ZNF678: variants seen among roughly 807,000 people sequenced by gnomAD.
The protein encoded by ZNF678 is hypothetical protein MGC42493.
ZNF678 carries 5 observed loss-of-function variants against 3.0 expected under a neutral mutation model. The observed-to-expected ratio is 1.69, with a 90% confidence interval of 0.88 to 3.56. The LOEUF is 3.56. Among genes scored for constraint, ZNF678 ranks in the 30% most tolerant of loss-of-function variants. The pLI, the probability that ZNF678 is intolerant of heterozygous loss-of-function variation, is 0.00. For missense variants in ZNF678, 593 were observed against 605.0 expected (o/e 0.98, Z 0.21); for synonymous variants, 218 against 199.6 (o/e 1.09, Z -0.78).
intron 1 of ZNF678, among the ~76,000 whole-genome samples, chr1:227,582,966 C>T (rs9943170): frequency 0.98 from 149,522 of 152,342 alleles, 73,436 homozygotes; most frequent in Middle Eastern, 1. Context: ...AGGTAAAGTC[C>T]CTAGTTTTGT....
chr1:227,676,484 C>T (rs937597169), intron 5 of ZNF678, among the ~76,000 whole-genome samples: 1 of 151,856 alleles, frequency 6.6e-6, no homozygotes, highest in Non-Finnish European at 1.5e-5. Context: ...TATGTAAATC[C>T]CCAAAACATT....
At chr1:227,669,646 CA>C (rs113306077) in intron 5 of ZNF678, among the ~76,000 whole-genome samples, 30,086 of 138,180 alleles carry the variant, frequency 0.22, 3,256 homozygotes, top group African/African-American at 0.3. Context: ...GAGACCGTCT[CA>C]AAAAAAAAAA....
chr1:227,649,959 C>T (rs897603572), intron 2 of ZNF678, among the ~76,000 whole-genome samples: 1 of 151,948 alleles, frequency 6.6e-6, no homozygotes, highest in Admixed American at 6.6e-5. Flanking sequence ...TATTTTCTCC[C>T]ATCCTTCAGG....
intron 1 of ZNF678, among the ~76,000 whole-genome samples, chr1:227,566,041 G>T (rs113835545): frequency 1.3e-5 from 2 of 152,032 alleles, no homozygotes; most frequent in African/African-American, 4.8e-5. Context: ...GATTACAGGC[G>T]TGAGCCACCG....
chr1:227,653,097 T>C (rs1248494211), intron 3 of ZNF678, among the ~76,000 whole-genome samples: 1 of 152,138 alleles, frequency 6.6e-6, no homozygotes, highest in Admixed American at 6.6e-5. Context: ...AACTCCATTT[T>C]GCCCTGCAAG....
Position 227,616,452 on chromosome 1 carries a change from A to G in ZNF678, c.-163-30092A>G, listed in dbSNP as rs1050096088. Reference sequence around the variant, plus strand: ...TTTTTCTGTGCCAGAATTTTTCCCCAGAAACAAATCTGACATTTGGGTGTC... The same window carrying G: ...TTTTTCTGTGCCAGAATTTTTCCCCGGAAACAAATCTGACATTTGGGTGTC... On this transcript the variant is annotated intron_variant, in intron 1 of 3. Transcript: ENST00000343776. Among the ~76,000 whole-genome samples, 6 of 152,224 alleles carry G rather than the reference A, an allele frequency of 3.9e-5. 1 individual carries two copies. The highest frequency in any genetic ancestry group is 1.4e-4 in the African/African-American group (6 of 41,462).
chr1:227,573,092 A>T, intron 1 of ZNF678, among the ~76,000 whole-genome samples: 1 of 152,194 alleles, frequency 6.6e-6, no homozygotes, highest in East Asian at 1.9e-4. Context: ...GTGATTCTGA[A>T]CTACCCAGGT....
At chr1:227,591,517 A>G (rs994249624) in intron 1 of ZNF678, among the ~76,000 whole-genome samples, 2 of 152,146 alleles carry the variant, frequency 1.3e-5, no homozygotes, top group Admixed American at 6.5e-5. Context: ...TAACTTATTA[A>G]TGACAGCACA....
chr1:227,576,631 C>G (rs1488453117), intron 1 of ZNF678, among the ~76,000 whole-genome samples: 1 of 151,964 alleles, frequency 6.6e-6, no homozygotes, highest in Non-Finnish European at 1.5e-5. Context: ...AATCTTCTCT[C>G]TTTTTTACTT....
At chr1:227,679,601 A>G (rs1327858646), downstream of ZNF678, among the ~76,000 whole-genome samples, 1 of 151,406 alleles carries the variant, frequency 6.6e-6, no homozygotes, top group African/African-American at 2.4e-5. Flanking sequence ...TTGCTCACTC[A>G]GGGAGCTCAG....
intron 1 of ZNF678, among the ~76,000 whole-genome samples, chr1:227,577,768 T>C (rs2102723499): frequency 6.6e-6 from 1 of 152,330 alleles, no homozygotes; most frequent in Non-Finnish European, 1.5e-5. Flanking sequence ...ATGGTTTTGA[T>C]CCTGCCATCA....
chr1:227,630,348 G>T (rs1658519371), intron 1 of ZNF678, among the ~76,000 whole-genome samples: 1 of 152,134 alleles, frequency 6.6e-6, no homozygotes, highest in South Asian at 2.1e-4. Context: ...TCCCAATGGG[G>T]GTCTACACTG....
intron 1 of ZNF678, among the ~76,000 whole-genome samples, chr1:227,571,219 T>TA (rs1324775055): frequency 2.0e-5 from 3 of 152,252 alleles, no homozygotes; most frequent in Non-Finnish European, 4.4e-5. Flanking sequence ...ACATTTTCTG[T>TA]AAAATTGTAC....
At chr1:227,631,155 A>T (rs1192588635) in intron 1 of ZNF678, among the ~76,000 whole-genome samples, 2 of 152,154 alleles carry the variant, frequency 1.3e-5, no homozygotes, top group Non-Finnish European at 2.9e-5. Context: ...TGAAAAAAGG[A>T]CATAGGGATG....
At chr1:227,622,444 C>T (rs1435512327) in intron 1 of ZNF678, among the ~76,000 whole-genome samples, 2 of 152,148 alleles carry the variant, frequency 1.3e-5, no homozygotes, top group South Asian at 4.1e-4. Flanking sequence ...GCATCCCAAC[C>T]ACCTTGGGCA....
At position 227,644,821 on chromosome 1, in the gene ZNF678, G is replaced by T. The variant is rs143955851; in HGVS notation, c.-163-1723G>T. Reference sequence around the variant, plus strand: ...TACTCCCACTTCTACCCTCCCCACAGGTTCTGTCTGTTGGTCTGGGTAAGA... The same window carrying T: ...TACTCCCACTTCTACCCTCCCCACATGTTCTGTCTGTTGGTCTGGGTAAGA... On this transcript the variant is annotated intron_variant, in intron 1 of 3. Coordinates refer to ENST00000343776, the MANE Select transcript of ZNF678 (RefSeq NM_001367909.1). Among the ~76,000 whole-genome samples, 8 of 152,312 alleles carry T rather than the reference G, an allele frequency of 5.3e-5. No individual in the cohort carries two copies. In the East Asian group the frequency reaches 1.5e-3, roughly 29 times the overall value.
Position 227,656,925 on chromosome 1 carries a change from A to C in ZNF678, c.*1097A>C, listed in dbSNP as rs184882139. 85 of 152,116 alleles carry C rather than the reference A, an allele frequency of 5.6e-4. No homozygotes were observed. Among genetic ancestry groups the C allele is most frequent in the African/African-American group, 1.9e-3 (80 of 41,552 alleles). 9.4% of individuals were successfully genotyped at this position (152,116 alleles called of 1,614,324 possible). ...AAAGTTGTAGGTAACAGATAGTAAC[A>C]ATACACTACTGGGTAACAGTGAAAG... is the stretch of plus-strand genomic sequence containing the variant. On this transcript the variant is annotated 3_prime_UTR_variant, in exon 4 of 4. Transcript: ENST00000343776.
At chr1:227,598,960 T>G in intron 1 of ZNF678, 2 of 948,960 alleles carry the variant, frequency 2.1e-6, no homozygotes, top group South Asian at 1.3e-5. Context: ...TCTCATTCAT[T>G]TTTTTCTTCA....
At position 227,658,625 on chromosome 1, in the gene ZNF678, T is replaced by A. The variant is rs1358016241; in HGVS notation, c.*2797T>A. Reference sequence around the variant, plus strand: ...ATTTCTCACTGTTCTCTGCAGCCCATGTAATTTCATACAGTATTTTGTAGG... The same window carrying A: ...ATTTCTCACTGTTCTCTGCAGCCCAAGTAATTTCATACAGTATTTTGTAGG... On this transcript the variant is annotated 3_prime_UTR_variant, in exon 4 of 4. Coordinates refer to ENST00000343776, the MANE Select transcript of ZNF678 (RefSeq NM_001367909.1). 1 of 152,110 alleles carries A rather than the reference T, an allele frequency of 6.6e-6. No individual in the cohort carries two copies. The highest frequency in any genetic ancestry group is 1.5e-5 in the Non-Finnish European group (1 of 67,962). 9.4% of individuals were successfully genotyped at this position (152,110 alleles called of 1,614,324 possible).
Sources: gnomAD v4.1 joint callset for allele counts (sites outside exome capture counted in the v4.1 genomes callset) on GRCh38, gnomAD v4.1.1 for gene constraint, MANE v1.5 for transcripts, NCBI Gene and HGNC (gene_info 2026-07-23, HGNC 2026-07-21) for gene names.